Variants in ZNF385D observed in about 807,000 individuals in gnomAD.
ZNF385D encodes the protein zinc finger protein 385D.
ZNF385D carries 15 observed loss-of-function variants against 35.8 expected under a neutral mutation model. The ratio of observed to expected loss-of-function variants is 0.42; its 90% CI spans 0.28 to 0.64. ZNF385D has a LOEUF of 0.64. Among genes scored for constraint, ZNF385D ranks in the 30% least tolerant of loss-of-function variants. The probability of loss-of-function intolerance (pLI) is 0.23; values close to 1 mark genes in which losing one functional copy is unlikely to be tolerated. For missense variants in ZNF385D, 474 were observed against 494.6 expected, an observed-to-expected ratio of 0.96 and a Z score of 0.39; for synonymous variants, 212 against 186.8, an observed-to-expected ratio of 1.13 and a Z score of -1.10.
At chr3:21,934,114 G>C (rs1701148478) in intron 3 of ZNF385D, among the ~76,000 whole-genome samples, 1 of 152,064 alleles carries the variant, frequency 6.6e-6, no homozygotes, top group East Asian at 1.9e-4. Context: ...TTTCAGCCAA[G>C]GGAAAATAGT....
intron 5 of ZNF385D, among the ~76,000 whole-genome samples, chr3:21,427,381 T>C (rs548988892): frequency 6.6e-6 from 1 of 152,318 alleles, no homozygotes; most frequent in South Asian, 2.1e-4. Flanking sequence ...TTGACTCTCA[T>C]CCTGATTTTC....
chr3:22,184,333 A>G (rs185945024), intron 2 of ZNF385D, among the ~76,000 whole-genome samples: 11 of 152,236 alleles, frequency 7.2e-5, no homozygotes, highest in South Asian at 6.2e-4. Flanking sequence ...TCTTTAAAAT[A>G]TATCTTAAAA....
At chr3:22,039,950 T>C (rs1419297973) in intron 3 of ZNF385D, among the ~76,000 whole-genome samples, 1 of 152,158 alleles carries the variant, frequency 6.6e-6, no homozygotes, top group African/African-American at 2.4e-5. Flanking sequence ...GCCATTACGA[T>C]ACCTAGCAGG....
chr3:21,504,841 G>T (rs1706654720), intron 4 of ZNF385D, among the ~76,000 whole-genome samples: 1 of 152,172 alleles, frequency 6.6e-6, no homozygotes, highest in African/African-American at 2.4e-5. Context: ...GTACATTAAA[G>T]ATTTCTGAAT....
chr3:22,163,928 T>A (rs1376193517), intron 3 of ZNF385D, among the ~76,000 whole-genome samples: 4 of 152,192 alleles, frequency 2.6e-5, no homozygotes, highest in Non-Finnish European at 1.5e-5. Flanking sequence ...ATTTACAGGA[T>A]CTATTATTTG....
intron 3 of ZNF385D, among the ~76,000 whole-genome samples, chr3:22,084,892 A>G (rs1297328390): frequency 6.6e-6 from 1 of 152,352 alleles, no homozygotes; most frequent in East Asian, 1.9e-4. Context: ...ACCACAGTGC[A>G]ATCAAATTAG....
In ZNF385D at chr3:21,647,904, A is replaced by G. The variant is rs142466310; in HGVS notation, c.165+16982T>C. 3.4e-3 allele frequency among the ~76,000 whole-genome samples: 517 copies of G among 152,250 alleles called. 4 individuals carry two copies. The highest frequency in any genetic ancestry group is 0.012 in the African/African-American group (484 of 41,546). ...AATGTTACTAAGAAAAATGGTATAA[A>G]CGTCAACCGATTAAAATATTACTTA... is the stretch of plus-strand genomic sequence containing the variant. On this transcript the variant is annotated intron_variant, in intron 2 of 7. Coordinates refer to ENST00000281523, the MANE Select transcript of ZNF385D (RefSeq NM_024697.3).
At chr3:21,636,378 T>TTATA (rs1183440640) in intron 2 of ZNF385D, among the ~76,000 whole-genome samples, 572 of 47,950 alleles carry the variant, frequency 0.012, 21 homozygotes, top group East Asian at 0.051. Context: ...ATATATATGA[T>TTATA]TATATATATA....
At chr3:21,782,175 T>C (rs2071515821) in intron 3 of ZNF385D, among the ~76,000 whole-genome samples, 1 of 152,122 alleles carries the variant, frequency 6.6e-6, no homozygotes, top group East Asian at 1.9e-4. Context: ...TCTCTGCTCC[T>C]GTGAGAGTTG....
chr3:22,026,103 A>G (rs1278700961), intron 3 of ZNF385D, among the ~76,000 whole-genome samples: 1 of 152,200 alleles, frequency 6.6e-6, no homozygotes, highest in Non-Finnish European at 1.5e-5. Context: ...TGACATTGAT[A>G]GGAAGTGAAA....
intron 2 of ZNF385D, among the ~76,000 whole-genome samples, chr3:22,296,526 G>A (rs995294282): frequency 2.0e-5 from 3 of 152,126 alleles, no homozygotes; most frequent in African/African-American, 4.8e-5. Context: ...AACGCCTTCA[G>A]ACCATGACGA....
At chr3:21,889,080 A>G (rs926823742) in intron 3 of ZNF385D, among the ~76,000 whole-genome samples, 1 of 152,206 alleles carries the variant, frequency 6.6e-6, no homozygotes, top group Admixed American at 6.5e-5. Flanking sequence ...TTTGTCAGAG[A>G]CCTTAATAAG....
At chr3:22,190,185 T>C (rs751291985) in intron 2 of ZNF385D, among the ~76,000 whole-genome samples, 5 of 152,178 alleles carry the variant, frequency 3.3e-5, no homozygotes, top group Non-Finnish European at 5.9e-5. Flanking sequence ...TGGGCAAATA[T>C]ATTAATAATA....
At chr3:21,544,005 G>A (rs2125573817) in intron 3 of ZNF385D, among the ~76,000 whole-genome samples, 1 of 152,284 alleles carries the variant, frequency 6.6e-6, no homozygotes, top group East Asian at 1.9e-4. Context: ...TTTTGTGTGT[G>A]TGTAGTGTGT....
chr3:21,681,965 G>C (rs2066925613), intron 1 of ZNF385D, among the ~76,000 whole-genome samples: 1 of 152,126 alleles, frequency 6.6e-6, no homozygotes, highest in Admixed American at 6.5e-5. Flanking sequence ...AAAAATATCA[G>C]ATGATAGTGA....
intron 4 of ZNF385D, among the ~76,000 whole-genome samples, chr3:21,482,144 G>A (rs1704673383): frequency 6.6e-6 from 1 of 152,010 alleles, no homozygotes; most frequent in East Asian, 1.9e-4. Context: ...ATCAGTCTGG[G>A]CTCTTTTGTT....
At chr3:21,621,670 G>A (rs1297574452) in intron 2 of ZNF385D, among the ~76,000 whole-genome samples, 1 of 150,302 alleles carries the variant, frequency 6.7e-6, no homozygotes, top group Non-Finnish European at 1.5e-5. Context: ...GGCTAATAAT[G>A]CAAGGACAGA....
chr3:21,751,399 A>G, upstream of ZNF385D: 1 of 1,022,242 alleles, frequency 9.8e-7, no homozygotes, highest in East Asian at 1.0e-4. Flanking sequence ...GAGTGTCGGG[A>G]TCCACACAGG....
chr3:22,148,868 C>T (rs575352643), intron 3 of ZNF385D, among the ~76,000 whole-genome samples: 7 of 152,236 alleles, frequency 4.6e-5, no homozygotes, highest in East Asian at 1.9e-4. Flanking sequence ...GAAAGATAGA[C>T]GAAACCTACA....
Sources: gnomAD v4.1 joint callset for allele counts (sites outside exome capture counted in the v4.1 genomes callset) on GRCh38, gnomAD v4.1.1 for gene constraint, MANE v1.5 for transcripts, NCBI Gene and HGNC (gene_info 2026-07-23, HGNC 2026-07-21) for gene names.